Variants in HEMK2 observed in about 807,000 individuals in gnomAD.
HEMK2 encodes methyltransferase HEMK2.
chr21:28,683,129 TTTATA>T, the HEMK2 span, among the ~76,000 whole-genome samples: 10 of 150,890 alleles, frequency 6.6e-5, no homozygotes, highest in East Asian at 5.8e-4. Context: ...TATGATTATA[TTTATA>T]TTATATTTTA....
the HEMK2 span, among the ~76,000 whole-genome samples, chr21:28,877,406 A>G: frequency 1.5e-4 from 3 of 20,208 alleles, no homozygotes; most frequent in Non-Finnish European, 2.7e-4. Context: ...GGGAAGAAAA[A>G]AAAGAAGGAA....
the HEMK2 span, among the ~76,000 whole-genome samples, chr21:28,648,410 T>C: frequency 6.6e-6 from 1 of 152,196 alleles, no homozygotes; most frequent in Non-Finnish European, 1.5e-5. Context: ...TGTGATCATT[T>C]ATAAATGTCT....
chr21:28,862,199 A>G, the HEMK2 span, among the ~76,000 whole-genome samples: 1 of 152,222 alleles, frequency 6.6e-6, no homozygotes, highest in Admixed American at 6.5e-5. Context: ...GATTAAGGTC[A>G]GTAGGAAACT....
the HEMK2 span, among the ~76,000 whole-genome samples, chr21:28,714,180 T>C: frequency 6.6e-6 from 1 of 152,260 alleles, no homozygotes; most frequent in Admixed American, 6.5e-5. Context: ...AAATGATGGA[T>C]AAATTTTTCT....
At chr21:28,646,501 G>T in the HEMK2 span, among the ~76,000 whole-genome samples, 3 of 152,116 alleles carry the variant, frequency 2.0e-5, no homozygotes, top group African/African-American at 7.2e-5. Context: ...AAGTTTGAGG[G>T]TATTTCAGTT....
the HEMK2 span, among the ~76,000 whole-genome samples, chr21:28,650,286 C>T: frequency 6.6e-6 from 1 of 151,818 alleles, no homozygotes; most frequent in African/African-American, 2.4e-5. Flanking sequence ...TAGCAGCTAC[C>T]TGGGAGGCTG....
At chr21:28,836,681 A>G in the HEMK2 span, among the ~76,000 whole-genome samples, 8 of 152,348 alleles carry the variant, frequency 5.3e-5, 1 homozygote, top group African/African-American at 1.9e-4. Flanking sequence ...TTGAATGTAA[A>G]TGATGTAAAT....
the HEMK2 span, among the ~76,000 whole-genome samples, chr21:28,617,388 T>A: frequency 3.9e-5 from 6 of 152,234 alleles, no homozygotes; most frequent in Non-Finnish European, 7.3e-5. Flanking sequence ...GATTATGTTA[T>A]TTTGTGCTGA....
the HEMK2 span, among the ~76,000 whole-genome samples, chr21:28,752,664 T>C: frequency 6.6e-6 from 1 of 152,178 alleles, no homozygotes; most frequent in Non-Finnish European, 1.5e-5. Context: ...CAGGGACCAC[T>C]CTCAACTCAG....
At chr21:28,831,538 A>AGAAG in the HEMK2 span, among the ~76,000 whole-genome samples, 58 of 74,970 alleles carry the variant, frequency 7.7e-4, no homozygotes, top group Non-Finnish European at 9.9e-4. Context: ...AAAGAAGGAA[A>AGAAG]GAAGGAAAGA....
the HEMK2 span, among the ~76,000 whole-genome samples, chr21:28,824,362 C>T: frequency 6.6e-6 from 1 of 152,130 alleles, no homozygotes; most frequent in African/African-American, 2.4e-5. Context: ...CCTTTGATTT[C>T]CTCTCATATC....
At chr21:28,579,189 T>C in the HEMK2 span, among the ~76,000 whole-genome samples, 1 of 152,206 alleles carries the variant, frequency 6.6e-6, no homozygotes, top group Non-Finnish European at 1.5e-5. Context: ...GAAATATTCA[T>C]TTCCACACTG....
chr21:28,852,078 G>T, the HEMK2 span, among the ~76,000 whole-genome samples: 1 of 152,176 alleles, frequency 6.6e-6, no homozygotes, highest in African/African-American at 2.4e-5. Flanking sequence ...CCAAACGGGA[G>T]AGTTGAAAGG....
chr21:28,601,562 T>C, the HEMK2 span, among the ~76,000 whole-genome samples: 4 of 151,870 alleles, frequency 2.6e-5, no homozygotes, highest in East Asian at 3.9e-4. Flanking sequence ...TCTCCTCCCT[T>C]GGTTTTAGTT....
At chr21:28,596,436 C>T in the HEMK2 span, among the ~76,000 whole-genome samples, 1 of 152,168 alleles carries the variant, frequency 6.6e-6, no homozygotes, top group South Asian at 2.1e-4. Flanking sequence ...CACTAAATCC[C>T]TACATTTTGT....
chr21:28,885,318 A>G, the HEMK2 span: 2 of 1,588,222 alleles, frequency 1.3e-6, no homozygotes, highest in East Asian at 2.3e-5. Flanking sequence ...TGCCCGTGGA[A>G]CGGCGTAGCG....
chr21:28,792,144 G>A, the HEMK2 span, among the ~76,000 whole-genome samples: 4 of 152,212 alleles, frequency 2.6e-5, no homozygotes, highest in South Asian at 8.3e-4. Context: ...GGGAAGAATG[G>A]TCAGTTCCAG....
At chr21:28,762,998 A>G in the HEMK2 span, among the ~76,000 whole-genome samples, 1 of 152,254 alleles carries the variant, frequency 6.6e-6, no homozygotes, top group African/African-American at 2.4e-5. Context: ...GGAAACAGGA[A>G]GCCCAGAGAA....
the HEMK2 span, among the ~76,000 whole-genome samples, chr21:28,662,713 TCTC>T: frequency 6.6e-6 from 1 of 152,130 alleles, no homozygotes; most frequent in Non-Finnish European, 1.5e-5. Context: ...TCTCTGCACT[TCTC>T]CTTCTTGCCA....
Sources: gnomAD v4.1 joint callset for allele counts (sites outside exome capture counted in the v4.1 genomes callset) on GRCh38, gnomAD v4.1.1 for gene constraint, MANE v1.5 for transcripts, NCBI Gene and HGNC (gene_info 2026-07-23, HGNC 2026-07-21) for gene names.